CACNA1E: variants seen among roughly 807,000 people sequenced by gnomAD.
The protein encoded by CACNA1E is voltage-dependent R-type calcium channel subunit alpha-1E.
A neutral mutation model predicts 259.2 loss-of-function variants in CACNA1E; 40 were observed. The observed-to-expected ratio is 0.15, with a 90% CI of 0.12 to 0.20. The LOEUF (loss-of-function observed/expected upper bound fraction) is 0.20, where lower values mean the gene tolerates loss of function less well. Among genes scored for constraint, CACNA1E ranks in the 10% least tolerant of loss-of-function variants. The probability of loss-of-function intolerance (pLI) is 1.00; values close to 1 mark genes in which losing one functional copy is unlikely to be tolerated. For missense variants in CACNA1E, 1,874 were observed against 3,040.1 expected (o/e 0.62, Z 9.02); for synonymous variants, 1,104 against 1,138.5 (o/e 0.97, Z 0.61).
chr1:181,452,058 A>G (rs1454398907), intron 2 of CACNA1E, among the ~76,000 whole-genome samples: 2 of 152,226 alleles, frequency 1.3e-5, no homozygotes, highest in Non-Finnish European at 2.9e-5. Context: ...TAAGGGGGCT[A>G]ATTGTTTCCC....
intron 2 of CACNA1E, among the ~76,000 whole-genome samples, chr1:181,459,987 C>T (rs1210628808): frequency 6.6e-6 from 1 of 152,160 alleles, no homozygotes; most frequent in Non-Finnish European, 1.5e-5. Context: ...GCTCTCCCTC[C>T]TTGCCTGCCT....
At chr1:181,528,001 C>T (rs1204693733) in intron 3 of CACNA1E, among the ~76,000 whole-genome samples, 2 of 152,084 alleles carry the variant, frequency 1.3e-5, no homozygotes, top group Non-Finnish European at 2.9e-5. Context: ...ACTGGATTAT[C>T]AAACTCTTGT....
chr1:181,569,957 C>G (rs1378897162), intron 3 of CACNA1E, among the ~76,000 whole-genome samples: 1 of 152,116 alleles, frequency 6.6e-6, no homozygotes, highest in African/African-American at 2.4e-5. Flanking sequence ...GAGCAGCTCT[C>G]TGGATGTTGA....
chr1:181,429,580 G>C (rs1659565549), intron 2 of CACNA1E, among the ~76,000 whole-genome samples: 1 of 152,186 alleles, frequency 6.6e-6, no homozygotes, highest in South Asian at 2.1e-4. Flanking sequence ...TCAGGAGCCT[G>C]GGCACATCTC....
chr1:181,490,842 A>G (rs1664252880), intron 1 of CACNA1E, among the ~76,000 whole-genome samples: 1 of 152,146 alleles, frequency 6.6e-6, no homozygotes, highest in Non-Finnish European at 1.5e-5. Flanking sequence ...GGGGAAAGGA[A>G]GAAGTGCTCT....
chr1:181,683,340 T>C (rs556144698), intron 7 of CACNA1E, among the ~76,000 whole-genome samples: 20 of 152,250 alleles, frequency 1.3e-4, no homozygotes, highest in Non-Finnish European at 2.5e-4. Flanking sequence ...TACTACTGAA[T>C]TGCATTTAGC....
At chr1:181,792,218 A>G (rs1661383031) in intron 44 of CACNA1E, among the ~76,000 whole-genome samples, 1 of 152,102 alleles carries the variant, frequency 6.6e-6, no homozygotes, top group South Asian at 2.1e-4. Flanking sequence ...TTTCTTTCAC[A>G]GGGAGACTTT....
intron 2 of CACNA1E, among the ~76,000 whole-genome samples, chr1:181,458,824 CCCATCCAT>C (rs57607890): frequency 0.31 from 47,056 of 150,364 alleles, 7,540 homozygotes; most frequent in African/African-American, 0.36. Flanking sequence ...CATTTATTTA[CCCATCCAT>C]CCATCCATCC....
At chr1:181,322,492 T>C (rs1468730026) in intron 1 of CACNA1E, among the ~76,000 whole-genome samples, 2 of 152,244 alleles carry the variant, frequency 1.3e-5, no homozygotes, top group Non-Finnish European at 2.9e-5. Flanking sequence ...GTTAGAGTTG[T>C]TTATGTGCAA....
chr1:181,739,270 A>T lies in CACNA1E; in HGVS notation c.3719+17A>T, dbSNP rs1302581029. 2.7e-6 allele frequency: 4 copies of T among 1,497,108 alleles called. No homozygotes were observed. Among genetic ancestry groups the T allele is most frequent in the African/African-American group, 2.8e-5 (2 of 72,490 alleles). 92.7% of individuals were successfully genotyped at this position (1,497,108 alleles called of 1,614,324 possible). On this transcript the variant is annotated intron_variant, in intron 25 of 47. Coordinates refer to ENST00000367573, the MANE Select transcript of CACNA1E (RefSeq NM_001205293.3). ...TGCTCTGGCGTAAGTGACTCTTTTC[A>T]TATTTGATTCCCTTCCTTCCCCTCT...
chr1:181,396,706 C>T (rs557337765), intron 1 of CACNA1E, among the ~76,000 whole-genome samples: 1 of 152,272 alleles, frequency 6.6e-6, no homozygotes, highest in South Asian at 2.1e-4. Flanking sequence ...CTGAGTAGAA[C>T]AATGTGGAAT....
chr1:181,726,793 G>C (rs973647399), intron 18 of CACNA1E, among the ~76,000 whole-genome samples: 1 of 152,080 alleles, frequency 6.6e-6, no homozygotes, highest in Non-Finnish European at 1.5e-5. Flanking sequence ...GAAAGAGTCT[G>C]CTCTCAGAGT....
At chr1:181,631,479 G>A (rs1656732025) in intron 6 of CACNA1E, among the ~76,000 whole-genome samples, 1 of 152,258 alleles carries the variant, frequency 6.6e-6, no homozygotes, top group Non-Finnish European at 1.5e-5. Context: ...CTCTCACAGT[G>A]TGCTCCCCCA....
intron 1 of CACNA1E, among the ~76,000 whole-genome samples, chr1:181,324,457 A>T (rs534808584): frequency 6.6e-6 from 1 of 152,364 alleles, no homozygotes; most frequent in East Asian, 1.9e-4. Flanking sequence ...GTTAAATTGT[A>T]TGCAGAAGTG....
chr1:181,669,836 T>G (rs1648614583), intron 7 of CACNA1E, among the ~76,000 whole-genome samples: 1 of 152,192 alleles, frequency 6.6e-6, no homozygotes, highest in Non-Finnish European at 1.5e-5. Context: ...GCACTTGTAG[T>G]AGGACTCCAA....
At chr1:181,737,684 C>T in intron 23 of CACNA1E, 30 bp downstream of exon 23, 2 of 1,605,168 alleles carry the variant, frequency 1.2e-6, no homozygotes, top group African/African-American at 1.3e-5. Flanking sequence ...GTGCCAGCCT[C>T]TGTAGTGCTC....
rs978231520 is a variant in CACNA1E at position 181,405,383 on chromosome 1, T to C, written c.-14-7750T>C. ...TTGGACAAACACCCTTCAGGGACTA[T>C]ATAGAGGCTTCTGGAAGTTAGCCCC... On this transcript the variant is annotated intron_variant, in intron 1 of 11. Transcript: ENST00000524607. Among the ~76,000 whole-genome samples the C allele has an allele frequency of 6.6e-5, 10 of 152,238 alleles. 1 individual carries two copies. The highest frequency in any genetic ancestry group is 1.3e-4 in the Admixed American group (2 of 15,290).
At chr1:181,688,290 A>C (rs1340563682) in intron 7 of CACNA1E, among the ~76,000 whole-genome samples, 2 of 152,196 alleles carry the variant, frequency 1.3e-5, no homozygotes, top group Non-Finnish European at 2.9e-5. Flanking sequence ...ATGAATTGTA[A>C]AATACAGTGT....
intron 6 of CACNA1E, among the ~76,000 whole-genome samples, chr1:181,606,035 A>T (rs571409584): frequency 6.6e-6 from 1 of 152,048 alleles, no homozygotes; most frequent in South Asian, 2.1e-4. Context: ...GTGCCATTAC[A>T]CCGTCCTGTT....
Sources: gnomAD v4.1 joint callset for allele counts (sites outside exome capture counted in the v4.1 genomes callset) on GRCh38, gnomAD v4.1.1 for gene constraint, MANE v1.5 for transcripts, NCBI Gene and HGNC (gene_info 2026-07-23, HGNC 2026-07-21) for gene names.